Variants in CHEK2 observed in about 807,000 individuals in gnomAD.
CHEK2 encodes serine/threonine-protein kinase Chk2.
CHEK2 carries 71 observed loss-of-function variants against 69.1 expected under a neutral mutation model. That is an observed-to-expected ratio of 1.03 (90% CI 0.85 to 1.25). CHEK2 has a LOEUF of 1.25. CHEK2 is among the 50% of genes most tolerant of loss of function. CHEK2 has a pLI of 0.00. For synonymous variants in CHEK2, 189 were observed against 226.9 expected (o/e 0.83, Z 1.50); for missense variants, 664 against 649.6 (o/e 1.02, Z -0.24).
intron 2 of CHEK2, among the ~76,000 whole-genome samples, chr22:28,732,224 G>A (rs1194930251): frequency 6.6e-6 from 1 of 152,012 alleles, no homozygotes. Flanking sequence ...CGATTCTCCT[G>A]CCTCAGCCTC....
At chr22:28,728,665 G>A (rs1000911743) in intron 2 of CHEK2, among the ~76,000 whole-genome samples, 3 of 152,040 alleles carry the variant, frequency 2.0e-5, no homozygotes, top group Admixed American at 2.0e-4. Flanking sequence ...TTGTGCCACT[G>A]CACTCCAGCC....
At chr22:28,710,619 G>A (rs1258184298) in intron 6 of CHEK2, among the ~76,000 whole-genome samples, 1 of 152,180 alleles carries the variant, frequency 6.6e-6, no homozygotes, top group East Asian at 1.9e-4. Flanking sequence ...CTGACAAGAG[G>A]AGGCTTCAGG....
intron 4 of CHEK2, among the ~76,000 whole-genome samples, chr22:28,720,905 G>T (rs912641264): frequency 1.3e-5 from 2 of 152,208 alleles, no homozygotes; most frequent in Non-Finnish European, 2.9e-5. Context: ...TAATGTAACA[G>T]GGTCAGGCTG....
At chr22:28,738,786 C>T (rs1035993162) in intron 1 of CHEK2, among the ~76,000 whole-genome samples, 1 of 152,090 alleles carries the variant, frequency 6.6e-6, no homozygotes, top group African/African-American at 2.4e-5. Context: ...GCAACTAAAG[C>T]AAAAACAGAC....
chr22:28,698,722 T>C (rs2052693791), intron 9 of CHEK2, among the ~76,000 whole-genome samples: 1 of 152,188 alleles, frequency 6.6e-6, no homozygotes, highest in South Asian at 2.1e-4. Flanking sequence ...CCAGCTATTC[T>C]TTCATCTAAC....
intron 4 of CHEK2, 174 bp downstream of exon 4, chr22:28,724,803 T>A: frequency 1.4e-6 from 1 of 700,726 alleles, no homozygotes. Flanking sequence ...TGACCTCAGG[T>A]GATCCATCCG....
intron 2 of CHEK2, 41 bp downstream of exon 2, chr22:28,734,362 T>C: frequency 1.9e-6 from 3 of 1,600,100 alleles, no homozygotes; most frequent in Non-Finnish European, 1.7e-6. Context: ...TGTAAGTGTT[T>C]TTCTGAACAA....
intron 8 of CHEK2, among the ~76,000 whole-genome samples, chr22:28,701,078 C>T (rs373314165): frequency 2.2e-4 from 33 of 152,166 alleles, no homozygotes; most frequent in Non-Finnish European, 4.0e-4. Flanking sequence ...CGTGAGCCAC[C>T]GTGCCCGGCT....
chr22:28,711,639 G>A (rs572283070), intron 6 of CHEK2, among the ~76,000 whole-genome samples: 3 of 151,154 alleles, frequency 2.0e-5, no homozygotes, highest in South Asian at 2.1e-4. Flanking sequence ...ATCTTGTAAC[G>A]ACTTTGAACT....
At chr22:28,713,515 C>T (rs961859114) in intron 5 of CHEK2, among the ~76,000 whole-genome samples, 1 of 151,860 alleles carries the variant, frequency 6.6e-6, no homozygotes, top group Admixed American at 6.6e-5. Flanking sequence ...CGCCACCACG[C>T]CCGGCTAATC....
Position 28,729,558 on chromosome 22 carries a change from A to G in CHEK2, c.320-4191T>C, listed in dbSNP as rs892087581. On this transcript the variant is annotated intron_variant, in intron 2 of 14. Coordinates refer to ENST00000404276, the MANE Select transcript of CHEK2 (RefSeq NM_007194.4). ...TCCATCTCAAAAAAAAAAAAAAAAAAAAAAAAAGAATTAACCCAGGAAAGC... is the reference window on the plus strand; with the variant it reads ...TCCATCTCAAAAAAAAAAAAAAAAAGAAAAAAAGAATTAACCCAGGAAAGC... Among the ~76,000 whole-genome samples the G allele has an allele frequency of 9.7e-4, 141 of 145,386 alleles. 3 individuals carry two copies. Among genetic ancestry groups the G allele is most frequent in the Non-Finnish European group, 4.3e-4 (28 of 65,574 alleles).
At chr22:28,715,082 T>C (rs994324121) in intron 5 of CHEK2, among the ~76,000 whole-genome samples, 1 of 152,198 alleles carries the variant, frequency 6.6e-6, no homozygotes, top group African/African-American at 2.4e-5. Flanking sequence ...CATTCATTCA[T>C]ACCTACAGCC....
chr22:28,710,087 T>A (rs201218422), intron 6 of CHEK2, 28 bp from the exon 7 acceptor site: 16 of 1,416,348 alleles, frequency 1.1e-5, no homozygotes, highest in Non-Finnish European at 1.6e-5. Context: ...ACAGAGTTTA[T>A]TAGTAATAAT....
intron 13 of CHEK2, 190 bp from the exon 14 acceptor site, chr22:28,689,405 C>CA (rs1355189248): frequency 3.2e-6 from 2 of 623,814 alleles, no homozygotes; most frequent in African/African-American, 3.6e-5. Flanking sequence ...GTCTAATTAG[C>CA]AGTCAATGCT....
rs1051258031 is a variant in CHEK2 at position 28,702,051 on chromosome 22, A to G, written c.908+1454T>C. Among the ~76,000 whole-genome samples, 3 of 149,886 alleles carry G rather than the reference A, an allele frequency of 2.0e-5. 1 individual carries two copies. The South Asian group carries it at 6.3e-4, about 31-fold the overall frequency. ...ATTACAGCCTTGACTTCCCAAGCTC[A>G]GGTGATCCTCCCACCTCAGCCTCCT... On this transcript the variant is annotated intron_variant, in intron 8 of 14. Coordinates refer to ENST00000404276, the MANE Select transcript of CHEK2 (RefSeq NM_007194.4).
At chr22:28,724,379 A>G (rs2053911474) in intron 4 of CHEK2, among the ~76,000 whole-genome samples, 1 of 152,188 alleles carries the variant, frequency 6.6e-6, no homozygotes, top group African/African-American at 2.4e-5. Context: ...ACTGCACTCC[A>G]GCCCAGGTGA....
At chr22:28,731,459 G>A (rs951729170) in intron 2 of CHEK2, among the ~76,000 whole-genome samples, 26 of 151,932 alleles carry the variant, frequency 1.7e-4, no homozygotes, top group African/African-American at 5.6e-4. Context: ...ACTTAGCCAC[G>A]GTGGTGGGCA....
intron 2 of CHEK2, among the ~76,000 whole-genome samples, chr22:28,731,076 A>C (rs1288990843): frequency 6.6e-6 from 1 of 151,676 alleles, no homozygotes; most frequent in Non-Finnish European, 1.5e-5. Flanking sequence ...GGTGGTGCAC[A>C]TCTGTGGTCC....
intron 12 of CHEK2, 42 bp from the exon 13 acceptor site, chr22:28,694,159 A>G (rs2072015018): frequency 7.7e-7 from 1 of 1,303,596 alleles, no homozygotes; most frequent in Non-Finnish European, 1.1e-6. Context: ...AAGGATAAAT[A>G]TATTATCAGT....
Sources: allele counts gnomAD v4.1 joint callset (sites outside exome capture counted in the v4.1 genomes callset), GRCh38; gene constraint gnomAD v4.1.1; transcripts MANE v1.5; gene names NCBI Gene and HGNC (gene_info 2026-07-23, HGNC 2026-07-21).